The following NFIB variants were observed in gnomAD, a reference collection of about 807,000 sequenced individuals.
NFIB encodes the protein nuclear factor 1 B-type.
NFIB carries 11 observed loss-of-function variants against 61.5 expected under a neutral mutation model. The ratio of observed to expected loss-of-function variants is 0.18; its 90% CI spans 0.11 to 0.30. The LOEUF (loss-of-function observed/expected upper bound fraction) is 0.30. Ranked by LOEUF, NFIB falls within the 10% of genes least tolerant of loss-of-function variation. NFIB has a pLI of 1.00. For missense variants in NFIB, 471 were observed against 608.9 expected (o/e 0.77, Z 2.38); for synonymous variants, 260 against 216.5 (o/e 1.20, Z -1.76).
chr9:14,312,776 T>C (rs1014939121), intron 1 of NFIB, among the ~76,000 whole-genome samples: 1 of 152,200 alleles, frequency 6.6e-6, no homozygotes, highest in Admixed American at 6.5e-5. Flanking sequence ...TATCGTCAAA[T>C]GAACAGGTTT....
intron 1 of NFIB, among the ~76,000 whole-genome samples, chr9:14,356,786 T>C (rs1029766222): frequency 2.6e-5 from 4 of 152,150 alleles, no homozygotes; most frequent in African/African-American, 9.7e-5. Context: ...AGTTTTATAG[T>C]GCATGCCATA....
upstream of NFIB, among the ~76,000 whole-genome samples, chr9:14,319,004 C>T (rs1057361438): frequency 1.3e-5 from 2 of 152,034 alleles, no homozygotes; most frequent in Non-Finnish European, 2.9e-5. Context: ...TTTTCCCCAC[C>T]AGAGAATTCA....
chr9:14,257,364 C>G (rs932523557), intron 2 of NFIB, among the ~76,000 whole-genome samples: 1 of 152,184 alleles, frequency 6.6e-6, no homozygotes, highest in Non-Finnish European at 1.5e-5. Context: ...GGATATTAGA[C>G]TGTGAATTCC....
intron 2 of NFIB, among the ~76,000 whole-genome samples, chr9:14,221,119 T>G (rs757762779): frequency 6.6e-6 from 1 of 152,248 alleles, no homozygotes; most frequent in East Asian, 1.9e-4. Context: ...TAGTTGATAT[T>G]CCCACATTTC....
chr9:14,442,958 C>A, the NFIB span, among the ~76,000 whole-genome samples: 1 of 152,124 alleles, frequency 6.6e-6, no homozygotes, highest in Non-Finnish European at 1.5e-5. Flanking sequence ...CAGGGCCACA[C>A]TTGCGACATG....
chr9:14,502,189 T>C, the NFIB span, among the ~76,000 whole-genome samples: 1 of 152,170 alleles, frequency 6.6e-6, no homozygotes, highest in Non-Finnish European at 1.5e-5. Context: ...ATCAAACCCC[T>C]TAATATTTCT....
chr9:14,165,250 T>A (rs543731798), intron 3 of NFIB, among the ~76,000 whole-genome samples: 1 of 152,236 alleles, frequency 6.6e-6, no homozygotes, highest in South Asian at 2.1e-4. Flanking sequence ...AAGACAAGCT[T>A]CCTCATGAAG....
At chr9:14,433,995 C>T in the NFIB span, among the ~76,000 whole-genome samples, 1 of 152,132 alleles carries the variant, frequency 6.6e-6, no homozygotes, top group Non-Finnish European at 1.5e-5. Flanking sequence ...GAGTACTAAC[C>T]ACTATACGAT....
At chr9:14,107,311 T>A (rs932263362) in intron 10 of NFIB, among the ~76,000 whole-genome samples, 22 of 150,556 alleles carry the variant, frequency 1.5e-4, no homozygotes, top group Non-Finnish European at 2.4e-4. Flanking sequence ...ATACAACACA[T>A]GCAAAAAAAA....
intron 2 of NFIB, among the ~76,000 whole-genome samples, chr9:14,263,331 A>T (rs1157912634): frequency 6.6e-6 from 1 of 151,718 alleles, no homozygotes; most frequent in Non-Finnish European, 1.5e-5. Flanking sequence ...ATGAAGAAAT[A>T]GTTTCCTTCA....
At chr9:14,459,958 G>A in the NFIB span, among the ~76,000 whole-genome samples, 4 of 152,148 alleles carry the variant, frequency 2.6e-5, no homozygotes, top group East Asian at 1.9e-4. Flanking sequence ...AAGTCAGTGT[G>A]GCGATTCCTC....
chr9:14,304,323 T>C (rs1285322406), intron 2 of NFIB, among the ~76,000 whole-genome samples: 1 of 152,200 alleles, frequency 6.6e-6, no homozygotes, highest in East Asian at 1.9e-4. Context: ...TTAGTACATG[T>C]TGGTCTTTAT....
At chr9:14,518,856 T>G in the NFIB span, among the ~76,000 whole-genome samples, 1 of 152,028 alleles carries the variant, frequency 6.6e-6, no homozygotes, top group Non-Finnish European at 1.5e-5. Context: ...AACTTCCCTC[T>G]CTGGATCGGA....
rs375736787 is a variant in NFIB at position 14,175,163 on chromosome 9, A to ATTTTTTTTT, written c.616+4563_616+4564insAAAAAAAAA. Among the ~76,000 whole-genome samples, 93 of 102,118 alleles carry ATTTTTTTTT rather than the reference A, an allele frequency of 9.1e-4. 7 individuals carry two copies. Among genetic ancestry groups the ATTTTTTTTT allele is most frequent in the Non-Finnish European group, 9.6e-4 (51 of 53,072 alleles). 67.0% of individuals were successfully genotyped at this position (102,118 alleles called of 152,430 possible). A position where few individuals can be genotyped will look rare whatever the true frequency, so the allele number is the denominator to read the frequency against. ...TCTCAAAATTTTTATGACTTAAAGA[A>ATTTTTTTTT]TTTCTTTTTTTTTTTTTTTTTTTTG... On this transcript the variant is annotated intron_variant, in intron 3 of 10. Transcript: ENST00000380953.
chr9:14,147,529 ATAT>A (rs1277290767), intron 5 of NFIB, among the ~76,000 whole-genome samples: 3 of 151,574 alleles, frequency 2.0e-5, no homozygotes, highest in African/African-American at 4.8e-5. Context: ...ACTATTTCAT[ATAT>A]TATTCTTTAC....
chr9:14,233,445 T>A (rs1031620273), intron 2 of NFIB, among the ~76,000 whole-genome samples: 1 of 141,774 alleles, frequency 7.1e-6, no homozygotes, highest in Admixed American at 7.2e-5. Context: ...TTTTTTTTTT[T>A]AAGATGGAGT....
At chr9:14,335,355 T>G (rs2060873802) in intron 1 of NFIB, among the ~76,000 whole-genome samples, 1 of 152,256 alleles carries the variant, frequency 6.6e-6, no homozygotes, top group African/African-American at 2.4e-5. Flanking sequence ...GCACTTAGTA[T>G]GATCAAGCCC....
intron 7 of NFIB, 100 bp downstream of exon 7, chr9:14,125,532 G>T: frequency 6.8e-7 from 1 of 1,471,136 alleles, no homozygotes; most frequent in Non-Finnish European, 9.1e-7. Context: ...GAGAAAATAT[G>T]GTTGCCATAG....
At chr9:14,465,665 C>G in the NFIB span, among the ~76,000 whole-genome samples, 3 of 151,892 alleles carry the variant, frequency 2.0e-5, no homozygotes, top group African/African-American at 7.3e-5. Context: ...AATCACCACT[C>G]GAGGGAGCCC....
Sources: allele counts gnomAD v4.1 joint callset (sites outside exome capture counted in the v4.1 genomes callset), GRCh38; gene constraint gnomAD v4.1.1; transcripts MANE v1.5; gene names NCBI Gene and HGNC (gene_info 2026-07-23, HGNC 2026-07-21).